RFX3: variants seen among roughly 807,000 people sequenced by gnomAD.
RFX3 encodes the protein regulatory factor X3, also known as transcription factor RFX3.
Under a neutral mutation model 98.6 loss-of-function variants are expected in RFX3, and 14 were observed. The observed-to-expected ratio is 0.14, with a 90% CI of 0.09 to 0.22. RFX3 has a LOEUF of 0.22. RFX3 is among the 10% of genes least tolerant of loss of function. RFX3 has a pLI of 1.00. For missense variants in RFX3, 639 were observed against 926.9 expected, an observed-to-expected ratio of 0.69 and a Z score of 4.03; for synonymous variants, 383 against 328.4, an observed-to-expected ratio of 1.17 and a Z score of -1.80.
chr9:3,256,981 T>C lies in RFX3; in HGVS notation c.1814+10A>G, dbSNP rs1459505643. 2 of 1,613,026 alleles carry C rather than the reference T, an allele frequency of 1.2e-6. No individual in the cohort carries two copies. The highest frequency in any genetic ancestry group is 1.3e-5 in the African/African-American group (1 of 74,882). On this transcript the variant is annotated intron_variant, in intron 14 of 16. Coordinates refer to ENST00000617270, the MANE Select transcript of RFX3 (RefSeq NM_001282116.2). ...TGAAGAAGAAAGCCTAGGAAAAACC[T>C]AGATGATACCTGTAGAAAGACCATT...
At chr9:3,475,622 T>C (rs1469143909) in intron 1 of RFX3, among the ~76,000 whole-genome samples, 1 of 152,248 alleles carries the variant, frequency 6.6e-6, no homozygotes, top group Non-Finnish European at 1.5e-5. Context: ...ATTACAATAT[T>C]GTTTCTGCAT....
intron 1 of RFX3, among the ~76,000 whole-genome samples, chr9:3,505,311 T>C (rs1166707023): frequency 1.3e-5 from 1 of 76,268 alleles, no homozygotes; most frequent in Non-Finnish European, 2.0e-5. Flanking sequence ...TATATAAATA[T>C]ATATTAATGT....
chr9:3,423,862 A>G (rs2132399948), intron 1 of RFX3, among the ~76,000 whole-genome samples: 1 of 149,326 alleles, frequency 6.7e-6, no homozygotes, highest in East Asian at 2.0e-4. Context: ...ATTTAAAACA[A>G]GAAGGCCAGG....
Position 3,477,108 on chromosome 9 carries a change from A to C in RFX3, c.-9+48639T>G, listed in dbSNP as rs190973245. On this transcript the variant is annotated intron_variant, in intron 1 of 16. Coordinates refer to ENST00000617270, the MANE Select transcript of RFX3 (RefSeq NM_001282116.2). ...CTAATTTTTGTTTTACCTGAAACCA[A>C]AATTTTCATTACTTTTATAAACACT... Among the ~76,000 whole-genome samples the C allele has an allele frequency of 3.6e-3, 555 of 152,246 alleles. 4 individuals carry two copies. The highest frequency in any genetic ancestry group is 5.8e-3 in the Non-Finnish European group (392 of 68,004).
chr9:3,304,461 T>C lies in RFX3; in HGVS notation c.475-2841A>G, dbSNP rs117642160. Among the ~76,000 whole-genome samples, 302 of 152,124 alleles carry C rather than the reference T, an allele frequency of 2.0e-3. 9 individuals are homozygous for C. The East Asian group carries it at 0.054, about 27-fold the overall frequency. On this transcript the variant is annotated intron_variant, in intron 4 of 16. Coordinates refer to ENST00000617270, the MANE Select transcript of RFX3 (RefSeq NM_001282116.2). ...GAGACAGGGTATACACATGGTCATATATATGAATAAATGCATAATTACCAA... is the reference window on the plus strand; with the variant it reads ...GAGACAGGGTATACACATGGTCATACATATGAATAAATGCATAATTACCAA...
intron 14 of RFX3, among the ~76,000 whole-genome samples, chr9:3,251,592 C>T (rs1821408446): frequency 6.6e-6 from 1 of 151,972 alleles, no homozygotes; most frequent in South Asian, 2.1e-4. Flanking sequence ...CTCAGCCTCC[C>T]CCAAATAGCT....
rs377299152 is a variant in RFX3 at position 3,466,494 on chromosome 9, T to C, written c.-9+59253A>G. ...TAAAAGATGAAGAACATGGAAAAAA[T>C]GAAATCTATTAGTATAGGTTGGCAC... On this transcript the variant is annotated intron_variant, in intron 1 of 16. Transcript: ENST00000617270. Among the ~76,000 whole-genome samples, 111 of 152,198 alleles carry C rather than the reference T, an allele frequency of 7.3e-4. 1 individual carries two copies. In the South Asian group the frequency reaches 0.022, roughly 30 times the overall value.
intron 15 of RFX3, among the ~76,000 whole-genome samples, chr9:3,232,555 G>A (rs527591182): frequency 6.6e-6 from 1 of 152,178 alleles, no homozygotes; most frequent in African/African-American, 2.4e-5. Context: ...ACCTGGTATA[G>A]TGCCTGATAC....
intron 1 of RFX3, among the ~76,000 whole-genome samples, chr9:3,473,094 G>A (rs1307920518): frequency 6.6e-6 from 1 of 152,158 alleles, no homozygotes; most frequent in Non-Finnish European, 1.5e-5. Context: ...GCCAGAGTCT[G>A]GATCGACTTA....
chr9:3,448,673 C>T (rs1347448474), intron 1 of RFX3, among the ~76,000 whole-genome samples: 3 of 152,104 alleles, frequency 2.0e-5, no homozygotes, highest in Non-Finnish European at 4.4e-5. Flanking sequence ...TGCATTCTAC[C>T]ACATCTGGCC....
At chr9:3,365,586 G>A (rs1240314657) in intron 2 of RFX3, among the ~76,000 whole-genome samples, 1 of 152,144 alleles carries the variant, frequency 6.6e-6, no homozygotes, top group Non-Finnish European at 1.5e-5. Context: ...CAAGGGTAAA[G>A]TTAATTTTGA....
chr9:3,252,123 C>A (rs957561775), intron 14 of RFX3, among the ~76,000 whole-genome samples: 1 of 151,586 alleles, frequency 6.6e-6, no homozygotes, highest in Non-Finnish European at 1.5e-5. Context: ...AATATAATAA[C>A]CCTGAAATCA....
At chr9:3,420,115 T>C (rs897198335) in intron 1 of RFX3, among the ~76,000 whole-genome samples, 1 of 152,188 alleles carries the variant, frequency 6.6e-6, no homozygotes, top group East Asian at 1.9e-4. Context: ...CCTCCCAGCC[T>C]CCGACCATCC....
chr9:3,276,935 A>G (rs1451111435), intron 8 of RFX3, among the ~76,000 whole-genome samples: 2 of 151,988 alleles, frequency 1.3e-5, no homozygotes, highest in Non-Finnish European at 2.9e-5. Context: ...AATTACTTTA[A>G]AAAAGTTTAT....
At chr9:3,355,073 T>C (rs139851011) in intron 2 of RFX3, among the ~76,000 whole-genome samples, 15 of 151,896 alleles carry the variant, frequency 9.9e-5, no homozygotes, top group African/African-American at 3.6e-4. Context: ...ATTTTTTAAA[T>C]CTTTGAATAC....
intron 15 of RFX3, among the ~76,000 whole-genome samples, chr9:3,232,771 TGAGAGAGAGA>T (rs36070658): frequency 1.1e-3 from 144 of 132,404 alleles, no homozygotes; most frequent in African/African-American, 3.3e-3. Context: ...GTTTAGAATC[TGAGAGAGAGA>T]GAGAGAGAGA....
chr9:3,289,927 C>A (rs967259925), intron 6 of RFX3, among the ~76,000 whole-genome samples: 3 of 151,970 alleles, frequency 2.0e-5, no homozygotes, highest in Non-Finnish European at 4.4e-5. Flanking sequence ...AATAGTTCTA[C>A]ATATAGTTCA....
In RFX3 at chr9:3,376,199, G is replaced by A. The variant is rs80041988; in HGVS notation, c.117+19273C>T. ...TATTGGCAATACCAAGTTTGACAAA[G>A]ATGTCAAGCAAGTAGAACTCTCATA... On this transcript the variant is annotated intron_variant, in intron 2 of 16. Coordinates refer to ENST00000617270, the MANE Select transcript of RFX3 (RefSeq NM_001282116.2). Among the ~76,000 whole-genome samples the A allele has an allele frequency of 1.5e-3, 221 of 152,246 alleles. 5 individuals carry two copies. The East Asian group carries it at 0.024, about 16-fold the overall frequency.
At chr9:3,257,625 G>A (rs974776260) in intron 13 of RFX3, among the ~76,000 whole-genome samples, 1 of 152,134 alleles carries the variant, frequency 6.6e-6, no homozygotes, top group African/African-American at 2.4e-5. Context: ...TATTTGAGAA[G>A]ATTTAGGGTA....
Sources: allele counts gnomAD v4.1 joint callset (sites outside exome capture counted in the v4.1 genomes callset), GRCh38; gene constraint gnomAD v4.1.1; transcripts MANE v1.5; gene names NCBI Gene and HGNC (gene_info 2026-07-23, HGNC 2026-07-21).